The following AGL variants were observed in gnomAD, a reference collection of about 807,000 sequenced individuals.
AGL encodes the protein amylo-alpha-1,6-glucosidase and 4-alpha-glucanotransferase.
AGL carries 128 observed loss-of-function variants against 199.3 expected under a neutral mutation model. That is an observed-to-expected ratio of 0.64 (90% CI 0.56 to 0.74). AGL has a LOEUF of 0.74. AGL is among the 30% of genes least tolerant of loss of function. The pLI is 0.00. For synonymous variants in AGL, 584 were observed against 594.7 expected (o/e 0.98, Z 0.26); for missense variants, 1,809 against 1,820.8 (o/e 0.99, Z 0.12).
chr1:99,898,785 C>T (rs1653548336), intron 25 of AGL, among the ~76,000 whole-genome samples: 1 of 152,070 alleles, frequency 6.6e-6, no homozygotes, highest in Admixed American at 6.6e-5. Context: ...TAACATGCAT[C>T]AGTTCTGGCC....
At chr1:99,883,385 A>C (rs1033975112) in intron 17 of AGL, among the ~76,000 whole-genome samples, 10 of 152,250 alleles carry the variant, frequency 6.6e-5, no homozygotes, top group African/African-American at 1.9e-4. Flanking sequence ...GAAGATATGC[A>C]CAAGAATATT....
chr1:99,888,098 A>C lies in AGL; in HGVS notation c.2802A>C (p.Ala934=), dbSNP rs34230588. ...DIPNWSALKY[A]GLQGLMSVLA... is the part of the protein sequence containing the mutation. Reference sequence around the variant, plus strand: ...CAAACTGGTCAGCCCTTAAATATGCAGGTCTTCAAGGTAAGCAAATGGAAG... The same window carrying C: ...CAAACTGGTCAGCCCTTAAATATGCCGGTCTTCAAGGTAAGCAAATGGAAG... Residue 934 remains alanine (A), a synonymous_variant, in exon 21 of 34, where the codon GCA becomes GCC. Transcript: ENST00000361915. The C allele has an allele frequency of 1.3e-3, 2,079 of 1,613,008 alleles. 18 individuals carry two copies. In the African/African-American group the frequency reaches 0.025, roughly 19 times the overall value.
At chr1:99,875,557 T>A in intron 10 of AGL, 102 bp downstream of exon 10, 1 of 970,162 alleles carries the variant, frequency 1.0e-6, no homozygotes, top group Non-Finnish European at 1.6e-6. Flanking sequence ...GTGAGTTCAG[T>A]ACATTTCTTA....
At chr1:99,905,202 G>A (rs534890274) in intron 27 of AGL, among the ~76,000 whole-genome samples, 1 of 151,890 alleles carries the variant, frequency 6.6e-6, no homozygotes. Flanking sequence ...TGTGTGTGGT[G>A]GGGGGGTGGG....
At chr1:99,909,065 T>C (rs998671588) in intron 27 of AGL, among the ~76,000 whole-genome samples, 3 of 152,066 alleles carry the variant, frequency 2.0e-5, no homozygotes, top group Admixed American at 6.5e-5. Context: ...AAATCTCTAG[T>C]TGGGAGTGTG....
intron 21 of AGL, among the ~76,000 whole-genome samples, chr1:99,891,014 C>A (rs930937495): frequency 2.6e-5 from 4 of 152,078 alleles, no homozygotes; most frequent in African/African-American, 9.7e-5. Flanking sequence ...CTTCAGTATG[C>A]CTTTGTAACT....
At chr1:99,875,105 A>T (rs771281961) in intron 8 of AGL, 49 bp from the exon 9 acceptor site, 13 of 1,505,526 alleles carry the variant, frequency 8.6e-6, no homozygotes, top group Admixed American at 1.7e-5. Context: ...TAAATGTAGA[A>T]TCTGTAAAGC....
intron 28 of AGL, 26 bp downstream of exon 28, chr1:99,910,873 T>A: frequency 6.2e-7 from 1 of 1,604,278 alleles, no homozygotes; most frequent in South Asian, 1.1e-5. Context: ...TAATGCTGTG[T>A]AATTATACCC....
Position 99,874,814 on chromosome 1 carries a change from T to A in AGL, c.1082+4T>A, listed in dbSNP as rs781204563. 8.1e-6 allele frequency: 13 copies of A among 1,613,322 alleles called. No homozygotes were observed. The highest frequency in any genetic ancestry group is 2.2e-5 in the South Asian group (2 of 91,054). ...TAACGACTTTCATACCACATGAGTA[T>A]GTAATGTGTTTTTTTCTGTGAAATA... On this transcript the variant is annotated splice_donor_region_variant and intron_variant, in intron 8 of 33. Transcript: ENST00000361915.
chr1:99,877,535 A>G (rs1570437907), intron 11 of AGL, 106 bp from the exon 12 acceptor site: 1 of 1,002,636 alleles, frequency 1.0e-6, no homozygotes. Flanking sequence ...CCAATATATC[A>G]TTTATGGCAG....
Position 99,881,556 on chromosome 1 carries a change from G to A in AGL, c.2173G>A (p.Val725Ile), listed in dbSNP as rs1269529478. The change falls in exon 17 of 34, where the codon GTT (valine) becomes ATT (isoleucine). Residue 725 changes from valine to isoleucine, a missense_variant. By Grantham distance (29) the Val-to-Ile change is conservative. Transcript: ENST00000361915. Reference protein sequence around the residue: ...KGFIQVYVDQVDEDIVAVTRH... With the variant: ...KGFIQVYVDQIDEDIVAVTRH... ...TGCTTCTCAGGTGTATGTGGATCAA[G>A]TTGATGAAGACATAGTGGCAGTAAC... 5 of 1,613,964 alleles carry A rather than the reference G, an allele frequency of 3.1e-6. No homozygotes were observed. The highest frequency in any genetic ancestry group is 4.2e-6 in the Non-Finnish European group (5 of 1,179,932).
intron 33 of AGL, among the ~76,000 whole-genome samples, chr1:99,920,259 C>G (rs1655423844): frequency 1.3e-5 from 2 of 152,166 alleles, no homozygotes; most frequent in Admixed American, 1.3e-4. Context: ...TCTGAAAAAT[C>G]AAGGCATGGG....
chr1:99,882,155 A>G (rs1652092373), intron 17 of AGL, among the ~76,000 whole-genome samples: 1 of 36,036 alleles, frequency 2.8e-5, no homozygotes, highest in Non-Finnish European at 7.2e-5. Flanking sequence ...AAAAAAAAAA[A>G]GAAAGAAATT....
At chr1:99,902,024 G>T (rs112622129) in intron 26 of AGL, among the ~76,000 whole-genome samples, 1,550 of 151,862 alleles carry the variant, frequency 0.01, 26 homozygotes, top group African/African-American at 0.036. Context: ...ATTAATAGTA[G>T]AATTTTTATA....
At chr1:99,877,614 A>G (rs367658082) in intron 11 of AGL, 27 bp from the exon 12 acceptor site, 3 of 1,609,042 alleles carry the variant, frequency 1.9e-6, no homozygotes, top group East Asian at 2.2e-5. Context: ...TTCTTGAACC[A>G]TTGAAAGCAA....
chr1:99,857,098 G>A (rs1649556699), intron 2 of AGL, among the ~76,000 whole-genome samples: 1 of 152,068 alleles, frequency 6.6e-6, no homozygotes, highest in East Asian at 1.9e-4. Flanking sequence ...CCCGGACGGG[G>A]CGGCTGGCCG....
Position 99,879,933 on chromosome 1 carries a change from A to T in AGL, c.1622A>T (p.Asp541Val). 2 of 1,612,798 alleles carry T rather than the reference A, an allele frequency of 1.2e-6. No homozygotes were observed. Among genetic ancestry groups the T allele is most frequent in the Admixed American group, 1.7e-5 (1 of 59,992 alleles). ...CTGTGCTTTTTACAGTACATGTTGG[A>T]TGCTGCTAGGAATTTGCAACCCAAT... ...TPLHVAEYMLDAARNLQPNLY... is the reference protein window; with the variant it reads ...TPLHVAEYMLVAARNLQPNLY... The change falls in exon 13 of 34, where the codon GAT becomes GTT. Residue 541 changes from aspartate (D) to valine (V), a missense_variant. Coordinates refer to ENST00000361915, the MANE Select transcript of AGL (RefSeq NM_000642.3).
intron 27 of AGL, among the ~76,000 whole-genome samples, 181 bp from the exon 28 acceptor site, chr1:99,910,531 A>G (rs971505560): frequency 6.6e-6 from 1 of 152,162 alleles, no homozygotes; most frequent in Admixed American, 6.5e-5. Context: ...GGTAGAATAT[A>G]CACATCTCCA....
intron 27 of AGL, among the ~76,000 whole-genome samples, chr1:99,906,425 G>GTACA (rs1444712017): frequency 2.6e-5 from 4 of 152,082 alleles, no homozygotes; most frequent in Non-Finnish European, 5.9e-5. Context: ...ATTTTCAAGT[G>GTACA]TACAGTTCAG....
Sources: gnomAD v4.1 joint callset for allele counts (sites outside exome capture counted in the v4.1 genomes callset) on GRCh38, gnomAD v4.1.1 for gene constraint, MANE v1.5 for transcripts, NCBI Gene and HGNC (gene_info 2026-07-23, HGNC 2026-07-21) for gene names.